The following CNTNAP4 variants were observed in gnomAD, a reference collection of about 807,000 sequenced individuals.
CNTNAP4 encodes the protein contactin-associated protein-like 4.
CNTNAP4 carries 98 observed loss-of-function variants against 148.4 expected under a neutral mutation model. The ratio of observed to expected loss-of-function variants is 0.66; its 90% CI spans 0.56 to 0.78. The LOEUF is 0.78. CNTNAP4 is among the 30% of genes least tolerant of loss of function. The pLI is 0.00. For missense variants in CNTNAP4, 1,935 were observed against 1,565.6 expected (o/e 1.24, Z -3.98); for synonymous variants, 730 against 565.1 (o/e 1.29, Z -4.14).
At chr16:76,326,748 A>G (rs1196980364) in intron 2 of CNTNAP4, among the ~76,000 whole-genome samples, 2 of 147,426 alleles carry the variant, frequency 1.4e-5, no homozygotes, top group African/African-American at 5.0e-5. Flanking sequence ...GAATTGAACA[A>G]TGAGAACACT....
At chr16:76,346,075 TAAATA>T (rs1437893716) in intron 2 of CNTNAP4, among the ~76,000 whole-genome samples, 1 of 152,084 alleles carries the variant, frequency 6.6e-6, no homozygotes, top group Non-Finnish European at 1.5e-5. Flanking sequence ...TTGTTTAAAA[TAAATA>T]AATAAAGCAT....
chr16:76,556,806 TACC>T (rs1217015840), intron 23 of CNTNAP4, among the ~76,000 whole-genome samples: 1 of 152,232 alleles, frequency 6.6e-6, no homozygotes, highest in Non-Finnish European at 1.5e-5. Flanking sequence ...AGAATTTGGT[TACC>T]ACATTTATAT....
At chr16:76,401,460 G>T (rs1486447243) in intron 3 of CNTNAP4, among the ~76,000 whole-genome samples, 5 of 152,042 alleles carry the variant, frequency 3.3e-5, no homozygotes, top group Non-Finnish European at 7.4e-5. Context: ...GATGATGGGG[G>T]TTTCTAGATA....
At chr16:76,347,640 CA>C (rs1443903101) in intron 2 of CNTNAP4, among the ~76,000 whole-genome samples, 1 of 152,026 alleles carries the variant, frequency 6.6e-6, no homozygotes, top group African/African-American at 2.4e-5. Context: ...AATATTCGAG[CA>C]AGAGACTTAT....
At chr16:76,428,757 CAGT>C (rs1210158691) in intron 4 of CNTNAP4, among the ~76,000 whole-genome samples, 2 of 151,994 alleles carry the variant, frequency 1.3e-5, no homozygotes, top group Non-Finnish European at 2.9e-5. Context: ...GCAATAATAG[CAGT>C]AACACTAATA....
intron 10 of CNTNAP4, among the ~76,000 whole-genome samples, chr16:76,470,994 G>A (rs2081349489): frequency 6.6e-6 from 1 of 151,948 alleles, no homozygotes; most frequent in African/African-American, 2.4e-5. Context: ...CCTTACTCAT[G>A]CACACTCACA....
chr16:76,515,382 G>A lies in CNTNAP4; in HGVS notation c.2366-5758G>A, dbSNP rs73628716. Among the ~76,000 whole-genome samples the A allele has an allele frequency of 9.6e-3, 1,458 of 152,206 alleles. 20 individuals are homozygous for A. The highest frequency in any genetic ancestry group is 0.033 in the African/African-American group (1,375 of 41,518). On this transcript the variant is annotated intron_variant, in intron 15 of 23. Transcript: ENST00000611870. Reference sequence around the variant, plus strand: ...TAAGGTAAATGAGGTGGTAAGGGTGGTGCCCTAATTCAATAGGACCAGTGT... The same window carrying A: ...TAAGGTAAATGAGGTGGTAAGGGTGATGCCCTAATTCAATAGGACCAGTGT...
intron 4 of CNTNAP4, among the ~76,000 whole-genome samples, chr16:76,438,969 C>G (rs1422993345): frequency 1.3e-5 from 2 of 152,020 alleles, no homozygotes; most frequent in Non-Finnish European, 2.9e-5. Context: ...AATTACATAT[C>G]TTTACTACTT....
intron 3 of CNTNAP4, among the ~76,000 whole-genome samples, chr16:76,418,978 T>G (rs2079084121): frequency 6.6e-6 from 1 of 152,004 alleles, no homozygotes. Context: ...GCGGTCTTTG[T>G]TTTTTAAGTC....
At chr16:76,351,822 A>T (rs372805080) in intron 2 of CNTNAP4, among the ~76,000 whole-genome samples, 18 of 152,170 alleles carry the variant, frequency 1.2e-4, no homozygotes, top group African/African-American at 4.3e-4. Context: ...AGAATTGATG[A>T]TCCGATTTTA....
At chr16:76,460,086 CTTTTT>C (rs1329658988) in intron 8 of CNTNAP4, among the ~76,000 whole-genome samples, 3 of 151,844 alleles carry the variant, frequency 2.0e-5, no homozygotes, top group African/African-American at 4.8e-5. Context: ...TTATTTGTTT[CTTTTT>C]ATTTTTGTTT....
chr16:76,348,398 G>T (rs1029707205), intron 2 of CNTNAP4, among the ~76,000 whole-genome samples: 11 of 151,968 alleles, frequency 7.2e-5, no homozygotes, highest in African/African-American at 2.7e-4. Context: ...TGACACGTGG[G>T]TAATGCTTAA....
At chr16:76,384,146 T>C (rs561098397) in intron 3 of CNTNAP4, among the ~76,000 whole-genome samples, 163 of 152,014 alleles carry the variant, frequency 1.1e-3, no homozygotes, top group African/African-American at 3.8e-3. Flanking sequence ...CAGGTTCAAG[T>C]GATTCTCCTG....
chr16:76,439,286 T>C (rs907058390), intron 4 of CNTNAP4, among the ~76,000 whole-genome samples: 1 of 152,208 alleles, frequency 6.6e-6, no homozygotes, highest in Non-Finnish European at 1.5e-5. Context: ...CATACAGCAG[T>C]AGTTGATCAA....
chr16:76,420,405 T>G (rs377278621), intron 3 of CNTNAP4, among the ~76,000 whole-genome samples: 4 of 152,072 alleles, frequency 2.6e-5, no homozygotes, highest in African/African-American at 9.6e-5. Context: ...TTCTGCAAAG[T>G]GTAATTTCAT....
At chr16:76,348,943 G>A (rs1965146099) in intron 2 of CNTNAP4, among the ~76,000 whole-genome samples, 1 of 151,996 alleles carries the variant, frequency 6.6e-6, no homozygotes, top group South Asian at 2.1e-4. Context: ...ACAGTGTACT[G>A]ATGGGAATTA....
At chr16:76,345,820 A>G (rs1009589593) in intron 2 of CNTNAP4, among the ~76,000 whole-genome samples, 2 of 152,198 alleles carry the variant, frequency 1.3e-5, no homozygotes, top group African/African-American at 2.4e-5. Context: ...TTATAAAGTA[A>G]ATGCTGTATG....
chr16:76,328,475 T>C (rs1026093716), intron 2 of CNTNAP4, among the ~76,000 whole-genome samples: 3 of 152,194 alleles, frequency 2.0e-5, no homozygotes, highest in Non-Finnish European at 2.9e-5. Flanking sequence ...TTCACATGAC[T>C]AAACGCAACA....
At chr16:76,496,496 G>T (rs998092314) in intron 14 of CNTNAP4, among the ~76,000 whole-genome samples, 1 of 152,056 alleles carries the variant, frequency 6.6e-6, no homozygotes, top group South Asian at 2.1e-4. Context: ...AAAAATGTTA[G>T]AAAAACAACT....
Sources: allele counts gnomAD v4.1 joint callset (sites outside exome capture counted in the v4.1 genomes callset), GRCh38; gene constraint gnomAD v4.1.1; transcripts MANE v1.5; gene names NCBI Gene and HGNC (gene_info 2026-07-23, HGNC 2026-07-21).